Variants in FERMT3 observed in about 807,000 individuals in gnomAD.
The protein encoded by FERMT3 is fermitin family homolog 3.
FERMT3 carries 33 observed loss-of-function variants against 80.8 expected under a neutral mutation model. The ratio of observed to expected loss-of-function variants is 0.41; its 90% confidence interval spans 0.31 to 0.55. The LOEUF is 0.55. Among genes scored for constraint, FERMT3 ranks in the 20% least tolerant of loss-of-function variants. The probability of loss-of-function intolerance (pLI) is 0.31; values close to 1 mark genes in which losing one functional copy is unlikely to be tolerated. For missense variants in FERMT3, 754 were observed against 908.7 expected (o/e 0.83, Z 2.19); for synonymous variants, 375 against 372.2 (o/e 1.01, Z -0.09).
At chr11:64,208,485 G>A (rs918500278) in intron 2 of FERMT3, among the ~76,000 whole-genome samples, 17 of 152,206 alleles carry the variant, frequency 1.1e-4, no homozygotes, top group Admixed American at 3.9e-4. Flanking sequence ...TCCCTGTGGT[G>A]GGGATACTGT....
intron 6 of FERMT3, among the ~76,000 whole-genome samples, chr11:64,213,361 G>A (rs537466132): frequency 1.3e-5 from 2 of 150,332 alleles, no homozygotes; most frequent in East Asian, 1.9e-4. Flanking sequence ...GGCTGGTCTC[G>A]AACTCCTGAC....
Position 64,211,950 on chromosome 11 carries a change from C to T in FERMT3, c.786+203C>T, listed in dbSNP as rs1013231722. ...CAGCATCAGGCCAGGTCCTGGGCCC[C>T]GGGCAGATGCTGAAGCGGATGAAGA... On this transcript the variant is annotated intron_variant, in intron 6 of 14. Transcript: ENST00000345728. The surrounding 1 kb of genome is among the most constrained non-coding windows in gnomAD (Gnocchi z 4.7). 6.6e-6 allele frequency among the ~76,000 whole-genome samples: 1 copy of T among 152,182 alleles called. No individual in the cohort carries two copies. The highest frequency in any genetic ancestry group is 2.4e-5 in the African/African-American group (1 of 41,438).
chr11:64,218,351 T>A (rs1441293411), intron 6 of FERMT3, among the ~76,000 whole-genome samples: 1 of 152,060 alleles, frequency 6.6e-6, no homozygotes, highest in East Asian at 1.9e-4. Context: ...TCCCCCAAGC[T>A]GGAGTGCAAT....
chr11:64,222,978 C>T, intron 13 of FERMT3, 70 bp from the exon 14 acceptor site: 1 of 1,601,380 alleles, frequency 6.2e-7, no homozygotes, highest in Non-Finnish European at 8.5e-7. Context: ...CAGCACGGCG[C>T]CACATTGTCT....
rs767213325 is a variant in FERMT3, at chr11:64,207,370, G to A, written c.6G>A (p.Ala2=). The A allele has an allele frequency of 1.4e-5, 22 of 1,614,048 alleles. No homozygotes were observed. The highest frequency in any genetic ancestry group is 9.9e-5 in the South Asian group (9 of 91,086). Residue 2 remains alanine, a synonymous_variant, in exon 2 of 15, where the codon GCG becomes GCA. Coordinates refer to ENST00000345728, the MANE Select transcript of FERMT3 (RefSeq NM_031471.6). Reference sequence around the variant, plus strand: ...CTGTAGCAGCAGCCGCAGCCATGGCGGGGATGAAGACAGCCTCCGGGGACT... The same window carrying A: ...CTGTAGCAGCAGCCGCAGCCATGGCAGGGATGAAGACAGCCTCCGGGGACT... M[A]GMKTASGDYI... is the part of the protein sequence containing the mutation.
In FERMT3 at chr11:64,210,716, C is replaced by G; in HGVS notation, c.266C>G (p.Ala89Gly). The change falls in exon 3 of 15, where the codon GCA (alanine) becomes GGA (glycine). Residue 89 changes from alanine (A) to glycine (G), a missense_variant. Ala to Gly is a moderately conservative substitution (Grantham distance 60). Coordinates refer to ENST00000345728, the MANE Select transcript of FERMT3 (RefSeq NM_031471.6). This position sits in a 1 kb window ranked among gnomAD's most constrained non-coding sequence, Gnocchi z 4.3. ...TLDKYGILAD[A>G]RLFFGPQHRP... is the part of the protein sequence containing the mutation. ...GACAAGTACGGGATCCTGGCCGACG[C>G]ACGCCTCTTCTTTGGGCCCCAGCAC... is the stretch of plus-strand genomic sequence containing the variant. 3.7e-6 allele frequency: 6 copies of G among 1,614,200 alleles called. No individual in the cohort carries two copies. The highest frequency in any genetic ancestry group is 3.4e-6 in the Non-Finnish European group (4 of 1,180,024).
At chr11:64,215,451 T>C (rs1946529715) in intron 6 of FERMT3, among the ~76,000 whole-genome samples, 1 of 152,254 alleles carries the variant, frequency 6.6e-6, no homozygotes, top group East Asian at 1.9e-4. Flanking sequence ...ATGAGCACTT[T>C]GCCAGATAAA....
Position 64,223,451 on chromosome 11 carries a change from G to T in FERMT3, c.1951G>T (p.Asp651Tyr). The change falls in exon 15 of 15, where the codon GAC becomes TAC. Residue 651 changes from aspartate (D) to tyrosine (Y), a missense_variant. Physicochemically the swap from Asp to Tyr is radical, Grantham distance 160. Transcript: ENST00000345728. ...GGCCCGTGGGGAGGAGCTGGATGAA[G>T]ACCTCTTCCTGCAGCTCACCGGGGG... ...ERARGEELDE[D>Y]LFLQLTGGHE... 1 of 1,612,548 alleles carries T rather than the reference G, an allele frequency of 6.2e-7. No individual in the cohort carries two copies. Among genetic ancestry groups the T allele is most frequent in the Non-Finnish European group, 8.5e-7 (1 of 1,180,000 alleles).
intron 12 of FERMT3, 162 bp downstream of exon 12, chr11:64,220,831 C>A: frequency 1.5e-6 from 2 of 1,311,564 alleles, no homozygotes; most frequent in Non-Finnish European, 2.1e-6. Context: ...TGGGAGGAGT[C>A]ACGGTCCAGG....
At chr11:64,212,381 C>A (rs555358399) in intron 6 of FERMT3, among the ~76,000 whole-genome samples, 34 of 152,348 alleles carry the variant, frequency 2.2e-4, no homozygotes, top group African/African-American at 6.0e-4. Context: ...GTTGTCTGAA[C>A]GCTTGCTCCG....
At chr11:64,207,236 C>A in intron 1 of FERMT3, 115 bp from the exon 2 acceptor site, 1 of 1,263,014 alleles carries the variant, frequency 7.9e-7, no homozygotes, top group Non-Finnish European at 1.1e-6. Context: ...CACTCCCGCC[C>A]TCCTTCATGA....
At chr11:64,223,019 C>G (rs1946748926) in intron 13 of FERMT3, 29 bp from the exon 14 acceptor site, 4 of 1,612,798 alleles carry the variant, frequency 2.5e-6, no homozygotes, top group African/African-American at 1.3e-5. Flanking sequence ...GGGTGGAGCC[C>G]TGGCTCACTC....
At chr11:64,216,535 G>A (rs1186933688) in intron 6 of FERMT3, among the ~76,000 whole-genome samples, 35 of 143,038 alleles carry the variant, frequency 2.4e-4, no homozygotes, top group African/African-American at 5.5e-4. Flanking sequence ...GGTGGCTCAC[G>A]CCTGTAATCC....
chr11:64,212,458 A>G (rs540453268), intron 6 of FERMT3, among the ~76,000 whole-genome samples: 1 of 152,038 alleles, frequency 6.6e-6, no homozygotes, highest in African/African-American at 2.4e-5. Context: ...CTCCTTGGCC[A>G]TGGCTATTCT....
chr11:64,207,230 C>G (rs1417533045), intron 1 of FERMT3, 121 bp from the exon 2 acceptor site: 2 of 1,203,624 alleles, frequency 1.7e-6, no homozygotes, highest in East Asian at 2.5e-5. Flanking sequence ...GGTGCTCACT[C>G]CCGCCCTCCT....
chr11:64,214,872 G>A (rs749128657), intron 6 of FERMT3, among the ~76,000 whole-genome samples: 2 of 148,298 alleles, frequency 1.3e-5, no homozygotes, highest in African/African-American at 2.5e-5. Flanking sequence ...GCGTGATCTC[G>A]GCCCACTGCA....
chr11:64,223,284 C>T, intron 14 of FERMT3, 29 bp from the exon 15 acceptor site: 1 of 1,613,482 alleles, frequency 6.2e-7, no homozygotes, highest in Non-Finnish European at 8.5e-7. Flanking sequence ...TTATCCCACC[C>T]ACCATTTGCC....
rs1565299087 is a variant in FERMT3 at position 64,223,120 on chromosome 11, G to T, written c.1743G>T (p.Val581=). Residue 581 remains valine, a synonymous_variant, in exon 14 of 15, where the codon GTG becomes GTT. Transcript: ENST00000345728. ...GACTGATCCGCATCGACTTGGCCGT[G>T]GGCGACGTGGTCAAGACCTGGCGTT... is the stretch of plus-strand genomic sequence containing the variant. ...NNRLIRIDLA[V]GDVVKTWRFS... 1.9e-6 allele frequency: 3 copies of T among 1,613,918 alleles called. No individual in the cohort carries two copies. The highest frequency in any genetic ancestry group is 1.7e-6 in the Non-Finnish European group (2 of 1,180,048).
Position 64,223,091 on chromosome 11 carries a change from A to C in FERMT3, c.1714A>C (p.Asn572His). The C allele has an allele frequency of 6.2e-7, 1 of 1,613,896 alleles. No individual in the cohort carries two copies. The highest frequency in any genetic ancestry group is 8.5e-7 in the Non-Finnish European group (1 of 1,180,042). Reference protein sequence around the residue: ...RKDEILGIANNRLIRIDLAVG... With the variant: ...RKDEILGIANHRLIRIDLAVG... ...AGACGAGATCCTGGGCATCGCCAAC[A>C]ACCGACTGATCCGCATCGACTTGGC... is the stretch of plus-strand genomic sequence containing the variant. Residue 572 changes from asparagine to histidine, a missense_variant, in exon 14 of 15, where the codon AAC becomes CAC. Transcript: ENST00000345728.
Sources: allele counts gnomAD v4.1 joint callset (sites outside exome capture counted in the v4.1 genomes callset), GRCh38; gene constraint gnomAD v4.1.1; non-coding constraint Gnocchi (gnomAD v3.1); transcripts MANE v1.5; gene names NCBI Gene and HGNC (gene_info 2026-07-23, HGNC 2026-07-21).